Variants in CELF2 observed in about 807,000 individuals in gnomAD.
CELF2 encodes CUGBP Elav-like family member 2, also known as CUG triplet repeat RNA-binding protein 2.
Under a neutral mutation model 62.6 loss-of-function variants are expected in CELF2, and 8 were observed. The ratio of observed to expected loss-of-function variants is 0.13; its 90% CI spans 0.07 to 0.23. The LOEUF (loss-of-function observed/expected upper bound fraction) is 0.23. Among genes scored for constraint, CELF2 ranks in the 10% least tolerant of loss-of-function variants. The pLI is 1.00. For missense variants in CELF2, 333 were observed against 671.0 expected, an observed-to-expected ratio of 0.50 and a Z score of 5.56; for synonymous variants, 258 against 250.0, an observed-to-expected ratio of 1.03 and a Z score of -0.30.
At chr10:10,627,672 A>G in the CELF2 span, among the ~76,000 whole-genome samples, 16 of 152,284 alleles carry the variant, frequency 1.1e-4, no homozygotes, top group Admixed American at 5.9e-4. Context: ...GAAAGAACCT[A>G]TGGGGTCAAC....
chr10:11,044,656 A>G (rs764519970), intron 1 of CELF2, among the ~76,000 whole-genome samples: 117 of 152,202 alleles, frequency 7.7e-4, no homozygotes, highest in Non-Finnish European at 1.6e-3. Context: ...TTATAACAGT[A>G]TGGACCCTAT....
At chr10:11,038,681 C>A (rs2061352408) in intron 1 of CELF2, among the ~76,000 whole-genome samples, 1 of 152,132 alleles carries the variant, frequency 6.6e-6, no homozygotes, top group Non-Finnish European at 1.5e-5. Flanking sequence ...ACACATTACA[C>A]ATATATATTT....
At chr10:10,465,021 T>G in the CELF2 span, among the ~76,000 whole-genome samples, 1 of 152,104 alleles carries the variant, frequency 6.6e-6, no homozygotes, top group African/African-American at 2.4e-5. Flanking sequence ...TGGGAAGGAT[T>G]TTCACCTTCT....
chr10:10,946,615 T>C (rs2047714841), intron 2 of CELF2: 1 of 152,380 alleles, frequency 6.6e-6, no homozygotes, highest in Non-Finnish European at 1.5e-5. Context: ...AGAGATAAAG[T>C]TTTAGTGTTT....
chr10:10,499,643 G>A, the CELF2 span, among the ~76,000 whole-genome samples: 1 of 152,152 alleles, frequency 6.6e-6, no homozygotes, highest in Non-Finnish European at 1.5e-5. Flanking sequence ...ACTTTGGGAG[G>A]CCAAGGCGGG....
At chr10:11,151,291 T>A (rs1208545507) in intron 1 of CELF2, among the ~76,000 whole-genome samples, 1 of 152,240 alleles carries the variant, frequency 6.6e-6, no homozygotes, top group Non-Finnish European at 1.5e-5. Context: ...TAAAGAACCA[T>A]ATTGCTAGTA....
At chr10:10,620,450 C>CAAAAAA in the CELF2 span, among the ~76,000 whole-genome samples, 2 of 88,254 alleles carry the variant, frequency 2.3e-5, no homozygotes, top group African/African-American at 4.6e-5. Context: ...GGCTCAGTCT[C>CAAAAAA]AAAAAAAAAA....
intron 1 of CELF2, among the ~76,000 whole-genome samples, chr10:10,868,089 G>A (rs556581861): frequency 6.6e-6 from 1 of 152,266 alleles, no homozygotes; most frequent in Admixed American, 6.5e-5. Flanking sequence ...CTAGATCAGT[G>A]TTTTGGTACC....
chr10:11,111,778 C>T (rs972294036), intron 1 of CELF2, among the ~76,000 whole-genome samples: 1 of 152,222 alleles, frequency 6.6e-6, no homozygotes, highest in Non-Finnish European at 1.5e-5. Context: ...CGAAACTCAG[C>T]GTGTTTCCAC....
intron 9 of CELF2, among the ~76,000 whole-genome samples, chr10:11,289,875 TAA>T (rs1005287581): frequency 1.3e-5 from 2 of 152,214 alleles, no homozygotes; most frequent in African/African-American, 4.8e-5. Context: ...TTCATAAAAA[TAA>T]GTCATTTTTT....
chr10:10,906,704 T>C (rs1221035631), intron 1 of CELF2, among the ~76,000 whole-genome samples: 2 of 145,362 alleles, frequency 1.4e-5, no homozygotes, highest in African/African-American at 5.1e-5. Flanking sequence ...ACCTTTCTTT[T>C]TCTTTTTCTT....
intron 1 of CELF2, among the ~76,000 whole-genome samples, chr10:11,061,960 C>T (rs2066854320): frequency 6.6e-6 from 1 of 152,212 alleles, no homozygotes; most frequent in South Asian, 2.1e-4. Context: ...CTATAGGCAC[C>T]TGCCACCACG....
Position 11,075,499 on chromosome 10 carries a change from AC to A in CELF2, c.74+57338del, listed in dbSNP as rs1277032116. Among the ~76,000 whole-genome samples the A allele has an allele frequency of 3.3e-5, 5 of 152,266 alleles. No individual in the cohort carries two copies. Among genetic ancestry groups the A allele is most frequent in the African/African-American group, 9.6e-5 (4 of 41,546 alleles). ...GTGAGATGGTAATTGGATTCCCAAA[AC>A]CGGTATGTTGAAGGTGTTTTATTCT... On this transcript the variant is annotated intron_variant, in intron 1 of 12. Coordinates refer to ENST00000633077, the MANE Select transcript of CELF2 (RefSeq NM_001326342.2). This position sits in a 1 kb window ranked among gnomAD's most constrained non-coding sequence, Gnocchi z 5.4.
the CELF2 span, among the ~76,000 whole-genome samples, chr10:10,781,036 T>C: frequency 6.6e-6 from 1 of 152,170 alleles, no homozygotes; most frequent in African/African-American, 2.4e-5. Flanking sequence ...AGAAAGCAAA[T>C]AATTCCACAA....
chr10:11,088,455 G>C (rs1291809), intron 1 of CELF2, among the ~76,000 whole-genome samples: 70,710 of 151,962 alleles, frequency 0.47, 19,077 homozygotes, highest in African/African-American at 0.74. Context: ...AGACATTAGA[G>C]ATCTAGTAAA....
intron 7 of CELF2, among the ~76,000 whole-genome samples, chr10:11,272,937 G>A (rs1341215875): frequency 6.6e-6 from 1 of 152,118 alleles, no homozygotes; most frequent in Non-Finnish European, 1.5e-5. Flanking sequence ...TGAATATGAG[G>A]AGGAAGTTGC....
chr10:11,279,426 C>G (rs1590457948), intron 8 of CELF2, among the ~76,000 whole-genome samples: 1 of 152,056 alleles, frequency 6.6e-6, no homozygotes, highest in African/African-American at 2.4e-5. Flanking sequence ...AACAGTGTAT[C>G]GGAGGTCTGA....
the CELF2 span, among the ~76,000 whole-genome samples, chr10:10,499,537 T>C: frequency 3.3e-5 from 5 of 152,256 alleles, no homozygotes; most frequent in Middle Eastern, 3.4e-3. Context: ...AGGGAAAGAA[T>C]GGCAATGTGG....
intron 2 of CELF2, among the ~76,000 whole-genome samples, chr10:11,168,028 G>A (rs1421622662): frequency 2.0e-5 from 3 of 152,196 alleles, no homozygotes; most frequent in African/African-American, 7.2e-5. Flanking sequence ...CTGGTGTGCT[G>A]TGTTTCAGGG....
Sources: allele counts gnomAD v4.1 joint callset (sites outside exome capture counted in the v4.1 genomes callset), GRCh38; gene constraint gnomAD v4.1.1; non-coding constraint Gnocchi (gnomAD v3.1); transcripts MANE v1.5; gene names NCBI Gene and HGNC (gene_info 2026-07-23, HGNC 2026-07-21).